The following COG5 variants were observed in gnomAD, a reference collection of about 807,000 sequenced individuals.
COG5 encodes conserved oligomeric Golgi complex subunit 5.
In COG5, 86 loss-of-function variants were observed where a neutral mutation model predicts 110.4. The ratio of observed to expected loss-of-function variants is 0.78; its 90% CI spans 0.65 to 0.93. COG5 has a LOEUF of 0.93. Ranked by LOEUF, COG5 falls within the 40% of genes least tolerant of loss-of-function variation. COG5 has a pLI of 0.00. For synonymous variants in COG5, 360 were observed against 334.6 expected (o/e 1.08, Z -0.83); for missense variants, 1,077 against 987.0 (o/e 1.09, Z -1.22).
intron 6 of COG5, among the ~76,000 whole-genome samples, chr7:107,436,002 G>A (rs1794342013): frequency 6.6e-6 from 1 of 152,198 alleles, no homozygotes; most frequent in African/African-American, 2.4e-5. Flanking sequence ...CAACATGGAT[G>A]AACTTGGAGG....
chr7:107,313,443 T>A (rs925542136), intron 11 of COG5, among the ~76,000 whole-genome samples: 5 of 152,208 alleles, frequency 3.3e-5, no homozygotes, highest in African/African-American at 1.2e-4. Flanking sequence ...TACCACCATG[T>A]TGGAAAACTC....
intron 7 of COG5, among the ~76,000 whole-genome samples, chr7:107,375,333 T>C (rs1814537524): frequency 6.6e-6 from 1 of 152,062 alleles, no homozygotes; most frequent in Non-Finnish European, 1.5e-5. Flanking sequence ...ATGAACATTC[T>C]GTACACCTCT....
chr7:107,363,426 T>C (rs1176522498), intron 8 of COG5, among the ~76,000 whole-genome samples: 1 of 152,122 alleles, frequency 6.6e-6, no homozygotes, highest in Non-Finnish European at 1.5e-5. Flanking sequence ...TTCAGAGAAT[T>C]TGGCCATCCA....
intron 10 of COG5, among the ~76,000 whole-genome samples, chr7:107,358,797 T>G (rs768801536): frequency 1.3e-5 from 2 of 152,102 alleles, no homozygotes; most frequent in Non-Finnish European, 2.9e-5. Flanking sequence ...ACAGCACTTT[T>G]TGCATGCTGT....
At chr7:107,225,858 C>T (rs968927621) in intron 19 of COG5, among the ~76,000 whole-genome samples, 3 of 152,062 alleles carry the variant, frequency 2.0e-5, no homozygotes, top group African/African-American at 7.2e-5. Context: ...GCCTGGCCAA[C>T]GTGGTGAAAC....
chr7:107,421,324 A>G (rs1390701879), intron 6 of COG5, among the ~76,000 whole-genome samples: 2 of 152,210 alleles, frequency 1.3e-5, no homozygotes, highest in African/African-American at 4.8e-5. Flanking sequence ...GCAGGGATAT[A>G]TAAACAGTGA....
intron 7 of COG5, among the ~76,000 whole-genome samples, chr7:107,398,484 C>T (rs1584772959): frequency 6.6e-6 from 1 of 152,260 alleles, no homozygotes; most frequent in Non-Finnish European, 1.5e-5. Flanking sequence ...GCTAACTGCA[C>T]ACGCGAGGGA....
rs533323805 is a variant in COG5, at chr7:107,426,555, T to G, written c.539-13923A>C. Among the ~76,000 whole-genome samples the G allele has an allele frequency of 1.4e-4, 21 of 152,296 alleles. No individual in the cohort carries two copies. The South Asian group carries it at 4.3e-3, about 32-fold the overall frequency. ...TGGGCTGTAGGCTTGTATCCTCATA[T>G]GGCAGAAGAGGGCAAGAGGGCTCTC... On this transcript the variant is annotated intron_variant, in intron 6 of 21. Transcript: ENST00000297135.
Position 107,372,637 on chromosome 7 carries a change from C to G in COG5, c.793G>C (p.Asp265His). ...GAAGGCTGAGTCAAAACTTTTATGT[C>G]TAATGCACTGTTGATATTTTCTTCT... ...TLEENINSAL[D>H]IKVLTQPSQS... The change falls in exon 8 of 22, where the codon GAC (aspartate) becomes CAC (histidine). Residue 265 changes from aspartate to histidine, a missense_variant. Transcript: ENST00000297135. The G allele has an allele frequency of 6.2e-7, 1 of 1,613,660 alleles. No homozygotes were observed. The highest frequency in any genetic ancestry group is 1.1e-5 in the South Asian group (1 of 91,060).
intron 3 of COG5, among the ~76,000 whole-genome samples, chr7:107,552,491 A>G (rs1166036620): frequency 6.6e-6 from 1 of 152,198 alleles, no homozygotes; most frequent in Admixed American, 6.5e-5. Flanking sequence ...TTCTCAAAAG[A>G]AGGCATACAT....
intron 6 of COG5, among the ~76,000 whole-genome samples, chr7:107,517,949 G>A (rs535729578): frequency 1.3e-5 from 2 of 152,088 alleles, no homozygotes; most frequent in Non-Finnish European, 2.9e-5. Context: ...GCCCGCCTCG[G>A]CGTCCCAAAG....
chr7:107,273,469 T>C (rs1436562353), intron 14 of COG5, among the ~76,000 whole-genome samples: 2 of 152,184 alleles, frequency 1.3e-5, no homozygotes, highest in African/African-American at 4.8e-5. Flanking sequence ...GTCCATACCT[T>C]GGAACAGGGT....
At chr7:107,240,221 T>C (rs1162282739) in intron 17 of COG5, among the ~76,000 whole-genome samples, 1 of 152,200 alleles carries the variant, frequency 6.6e-6, no homozygotes, top group Non-Finnish European at 1.5e-5. Flanking sequence ...CTTATTTATT[T>C]ATTTATTTGA....
At chr7:107,473,334 G>A (rs1796752300) in intron 6 of COG5, among the ~76,000 whole-genome samples, 2 of 151,852 alleles carry the variant, frequency 1.3e-5, no homozygotes, top group South Asian at 4.1e-4. Flanking sequence ...AAGCTTTGTA[G>A]CTTTTTATTT....
At chr7:107,266,575 G>A (rs574756056) in intron 14 of COG5, among the ~76,000 whole-genome samples, 2 of 152,068 alleles carry the variant, frequency 1.3e-5, no homozygotes, top group Non-Finnish European at 2.9e-5. Flanking sequence ...TTAAATTTTG[G>A]TGATTTTACG....
intron 6 of COG5, among the ~76,000 whole-genome samples, chr7:107,508,819 G>C (rs1050771378): frequency 2.0e-5 from 3 of 152,162 alleles, no homozygotes; most frequent in Non-Finnish European, 4.4e-5. Context: ...AACTCCAACA[G>C]ACCTGTAGCA....
At chr7:107,541,408 G>A (rs1453456980) in intron 5 of COG5, among the ~76,000 whole-genome samples, 51 of 141,666 alleles carry the variant, frequency 3.6e-4, no homozygotes, top group Non-Finnish European at 6.8e-4. Context: ...GAGATGGGAG[G>A]ATAGCTTGGG....
At chr7:107,525,093 A>T (rs1209430039) in intron 6 of COG5, among the ~76,000 whole-genome samples, 1 of 151,878 alleles carries the variant, frequency 6.6e-6, no homozygotes, top group Non-Finnish European at 1.5e-5. Flanking sequence ...ACGCCCAGCT[A>T]ATTTTTGTAT....
chr7:107,357,753 T>C (rs1812758972), intron 10 of COG5, among the ~76,000 whole-genome samples: 1 of 152,152 alleles, frequency 6.6e-6, no homozygotes, highest in African/African-American at 2.4e-5. Flanking sequence ...ACTATAACCT[T>C]GAACTCCTAG....
Sources: gnomAD v4.1 joint callset for allele counts (sites outside exome capture counted in the v4.1 genomes callset) on GRCh38, gnomAD v4.1.1 for gene constraint, MANE v1.5 for transcripts, NCBI Gene and HGNC (gene_info 2026-07-23, HGNC 2026-07-21) for gene names.